DTD1: variants seen among roughly 807,000 people sequenced by gnomAD.
The protein encoded by DTD1 is D-aminoacyl-tRNA deacylase 1.
Under a neutral mutation model 25.6 loss-of-function variants are expected in DTD1, and 13 were observed. The observed-to-expected ratio is 0.51, with a 90% CI of 0.33 to 0.81. The LOEUF is 0.81. Among genes scored for constraint, DTD1 ranks in the 30% least tolerant of loss-of-function variants. The pLI is 0.02. For missense variants in DTD1, 193 were observed against 266.4 expected, an observed-to-expected ratio of 0.72 and a Z score of 1.92; for synonymous variants, 110 against 103.6, an observed-to-expected ratio of 1.06 and a Z score of -0.37.
At chr20:18,694,051 C>T (rs1023328778) in intron 4 of DTD1, among the ~76,000 whole-genome samples, 2 of 152,192 alleles carry the variant, frequency 1.3e-5, no homozygotes, top group African/African-American at 2.4e-5. Flanking sequence ...TTCTACCTGA[C>T]AGCACCATGG....
At chr20:18,755,590 G>A (rs2061336062) in intron 5 of DTD1, among the ~76,000 whole-genome samples, 2 of 152,188 alleles carry the variant, frequency 1.3e-5, no homozygotes, top group Admixed American at 1.3e-4. Context: ...TCCCTACAAA[G>A]GACATGAACT....
chr20:18,745,737 C>T (rs759477870), intron 5 of DTD1, among the ~76,000 whole-genome samples: 1 of 152,108 alleles, frequency 6.6e-6, no homozygotes, highest in Non-Finnish European at 1.5e-5. Context: ...GGGCAGGGAG[C>T]ATCTCTGAAC....
chr20:18,638,983 A>C (rs1600336766), intron 4 of DTD1, among the ~76,000 whole-genome samples: 1 of 151,600 alleles, frequency 6.6e-6, no homozygotes, highest in African/African-American at 2.4e-5. Flanking sequence ...GTAAAGTTCA[A>C]CCTCCCACAG....
At chr20:18,753,435 C>G (rs1308365530) in intron 5 of DTD1, among the ~76,000 whole-genome samples, 1 of 151,782 alleles carries the variant, frequency 6.6e-6, no homozygotes, top group Non-Finnish European at 1.5e-5. Context: ...TGGTGAAACC[C>G]CGTCTCTACA....
intron 4 of DTD1, among the ~76,000 whole-genome samples, chr20:18,649,857 C>T (rs1392582981): frequency 6.6e-6 from 1 of 152,158 alleles, no homozygotes; most frequent in African/African-American, 2.4e-5. Context: ...TTGTGTGTAT[C>T]ACCTCCGCTC....
intron 4 of DTD1, among the ~76,000 whole-genome samples, chr20:18,703,014 G>T (rs944775835): frequency 2.6e-5 from 4 of 152,022 alleles, no homozygotes; most frequent in Non-Finnish European, 5.9e-5. Context: ...TCCCACCCCC[G>T]TCTTCATCTT....
intron 4 of DTD1, among the ~76,000 whole-genome samples, chr20:18,720,754 A>C (rs1002960407): frequency 6.6e-6 from 1 of 152,172 alleles, no homozygotes; most frequent in African/African-American, 2.4e-5. Context: ...GCTACTCAAG[A>C]GGCTGAGGTG....
intron 4 of DTD1, among the ~76,000 whole-genome samples, chr20:18,711,678 G>A (rs968307224): frequency 2.0e-5 from 3 of 152,074 alleles, no homozygotes; most frequent in African/African-American, 7.2e-5. Context: ...CTCTTTCTAG[G>A]TCAAGGGCGG....
At chr20:18,756,086 T>A (rs952800107) in intron 5 of DTD1, among the ~76,000 whole-genome samples, 1 of 152,084 alleles carries the variant, frequency 6.6e-6, no homozygotes, top group Non-Finnish European at 1.5e-5. Flanking sequence ...GAAGTGTCTG[T>A]TCATATCCTT....
At position 18,751,074 on chromosome 20, in the gene DTD1, T is replaced by TGTGTGTGTGG. The variant is rs1259431817; in HGVS notation, c.*19+6812_*19+6813insGGTGTGTGTG. Among the ~76,000 whole-genome samples the TGTGTGTGTGG allele has an allele frequency of 2.6e-5, 4 of 151,832 alleles. No homozygotes were observed. In the South Asian group the frequency reaches 8.4e-4, roughly 32 times the overall value. ...ATGAGCTACAGCAGCCGTGTGTGTG[T>TGTGTGTGTGG]GTGTGTGTGTGGGTGTGTGTTTTCT... On this transcript the variant is annotated intron_variant, in intron 5 of 5. Coordinates refer to ENST00000377452, the MANE Select transcript of DTD1 (RefSeq NM_080820.6).
chr20:18,695,491 T>TCC (rs1568671871), intron 4 of DTD1, among the ~76,000 whole-genome samples: 3 of 1,784 alleles, frequency 1.7e-3, no homozygotes, highest in African/African-American at 3.3e-3. Flanking sequence ...CTTCCCTTCC[T>TCC]TTCCTTTCCC....
chr20:18,732,860 AATCCTGAACATCC>A (rs2061243072), intron 4 of DTD1, among the ~76,000 whole-genome samples: 1 of 152,214 alleles, frequency 6.6e-6, no homozygotes, highest in Non-Finnish European at 1.5e-5. Flanking sequence ...GGTGGGGAGT[AATCCTGAACATCC>A]GCCATGGCCT....
At chr20:18,666,060 C>G (rs1456844806) in intron 4 of DTD1, among the ~76,000 whole-genome samples, 1 of 152,204 alleles carries the variant, frequency 6.6e-6, no homozygotes, top group Non-Finnish European at 1.5e-5. Context: ...AGTCTAGGAT[C>G]CTGTTTCAGG....
chr20:18,665,348 A>G (rs1315225739), intron 4 of DTD1, among the ~76,000 whole-genome samples: 1 of 152,184 alleles, frequency 6.6e-6, no homozygotes, highest in Non-Finnish European at 1.5e-5. Flanking sequence ...GCATCTGCCT[A>G]GTGCTCCACT....
intron 4 of DTD1, among the ~76,000 whole-genome samples, chr20:18,652,108 A>G (rs953219739): frequency 3.3e-5 from 5 of 152,200 alleles, no homozygotes; most frequent in African/African-American, 1.2e-4. Flanking sequence ...GCTGAGCTGA[A>G]GCTAACGTGG....
At chr20:18,638,460 C>T (rs1164418622) in intron 4 of DTD1, among the ~76,000 whole-genome samples, 2 of 152,026 alleles carry the variant, frequency 1.3e-5, no homozygotes, top group Non-Finnish European at 2.9e-5. Flanking sequence ...CTAGAAGTCC[C>T]CTTAGGTGCA....
rs940291375 is a variant in DTD1 at position 18,626,687 on chromosome 20, G to T, written c.371-1440G>T. Among the ~76,000 whole-genome samples, 3 of 152,126 alleles carry T rather than the reference G, an allele frequency of 2.0e-5. No individual in the cohort carries two copies. The East Asian group carries it at 5.8e-4, about 29-fold the overall frequency. ...CTGGAAAAAAATGTTACCATTTTAA[G>T]ATCTCTTAAAACATGTCTTTGGATT... On this transcript the variant is annotated intron_variant, in intron 3 of 5. Coordinates refer to ENST00000377452, the MANE Select transcript of DTD1 (RefSeq NM_080820.6).
intron 4 of DTD1, among the ~76,000 whole-genome samples, chr20:18,651,711 CA>C (rs1201199833): frequency 2.0e-5 from 3 of 152,180 alleles, no homozygotes; most frequent in Non-Finnish European, 1.5e-5. Flanking sequence ...GTCTGAGCAT[CA>C]AGACTTTTCA....
chr20:18,675,158 G>A (rs1050624681), intron 4 of DTD1: 4 of 152,268 alleles, frequency 2.6e-5, no homozygotes, highest in African/African-American at 9.7e-5. Context: ...GCTGGCTGTG[G>A]GCAGGAGGCC....
Sources: allele counts gnomAD v4.1 joint callset (sites outside exome capture counted in the v4.1 genomes callset), GRCh38; gene constraint gnomAD v4.1.1; transcripts MANE v1.5; gene names NCBI Gene and HGNC (gene_info 2026-07-23, HGNC 2026-07-21).